Variants in BMPER observed in about 807,000 individuals in gnomAD.
BMPER encodes the protein BMP binding endothelial regulator.
BMPER carries 45 observed loss-of-function variants against 87.3 expected under a neutral mutation model. The ratio of observed to expected loss-of-function variants is 0.52; its 90% CI spans 0.41 to 0.66. The LOEUF is 0.66. BMPER is among the 30% of genes least tolerant of loss of function. The pLI, the probability that BMPER is intolerant of heterozygous loss-of-function variation, is 0.00. For synonymous variants in BMPER, 326 were observed against 316.2 expected (o/e 1.03, Z -0.33); for missense variants, 784 against 867.5 (o/e 0.90, Z 1.21).
intron 9 of BMPER, 120 bp downstream of exon 9, chr7:34,055,423 G>GCACACATATACATT: frequency 8.1e-7 from 1 of 1,241,282 alleles, no homozygotes; most frequent in Non-Finnish European, 1.2e-6. Context: ...AAATGTATAT[G>GCACACATATACATT]TGTGCATATA....
chr7:33,908,451 C>T (rs1783875987), intron 2 of BMPER, among the ~76,000 whole-genome samples: 1 of 152,138 alleles, frequency 6.6e-6, no homozygotes, highest in Admixed American at 6.5e-5. Flanking sequence ...ACAGCATTCC[C>T]CCCTTTTCAG....
chr7:34,042,188 G>A (rs1787849613), intron 6 of BMPER, among the ~76,000 whole-genome samples: 1 of 152,180 alleles, frequency 6.6e-6, no homozygotes, highest in Non-Finnish European at 1.5e-5. Flanking sequence ...AATAGACTTG[G>A]CATAGGTTTC....
intron 2 of BMPER, among the ~76,000 whole-genome samples, chr7:33,930,280 C>T (rs1484489649): frequency 1.3e-5 from 2 of 152,084 alleles, no homozygotes. Context: ...TTGTGGCTGA[C>T]CAAACTGCCT....
At chr7:33,970,284 G>A (rs750507325) in intron 4 of BMPER, 45 bp from the exon 5 acceptor site, 84 of 1,584,432 alleles carry the variant, frequency 5.3e-5, no homozygotes, top group Admixed American at 2.3e-4. Context: ...TAGTAACTCC[G>A]TGGGAATTCT....
chr7:34,073,671 TATATC>T (rs1440338367), intron 11 of BMPER, among the ~76,000 whole-genome samples: 1 of 152,210 alleles, frequency 6.6e-6, no homozygotes, highest in African/African-American at 2.4e-5. Context: ...AAGAAAATAA[TATATC>T]ATAAGCAGGC....
intron 6 of BMPER, 24 bp from the exon 7 acceptor site, chr7:34,046,282 C>A (rs1562708279): frequency 6.3e-7 from 1 of 1,588,404 alleles, no homozygotes; most frequent in Non-Finnish European, 8.6e-7. Flanking sequence ...TCTAAATATG[C>A]TTTTTTTTTC....
At chr7:33,921,101 C>A (rs1174778870) in intron 2 of BMPER, among the ~76,000 whole-genome samples, 1 of 152,146 alleles carries the variant, frequency 6.6e-6, no homozygotes, top group Non-Finnish European at 1.5e-5. Context: ...TTTATTATAA[C>A]CCTTACTCCT....
At chr7:34,085,694 A>G (rs777548652) in intron 12 of BMPER, 62 bp from the exon 13 acceptor site, 5 of 1,429,016 alleles carry the variant, frequency 3.5e-6, no homozygotes, top group Admixed American at 3.7e-5. Context: ...GGATGTATAC[A>G]TTTGGGAATT....
intron 6 of BMPER, among the ~76,000 whole-genome samples, chr7:33,978,464 G>A (rs1785751695): frequency 6.6e-6 from 1 of 152,216 alleles, no homozygotes; most frequent in Non-Finnish European, 1.5e-5. Context: ...AAGTCTGGAA[G>A]CCAGTGTAAA....
intron 11 of BMPER, among the ~76,000 whole-genome samples, chr7:34,067,838 C>G (rs1471475425): frequency 6.6e-6 from 1 of 152,218 alleles, no homozygotes; most frequent in East Asian, 1.9e-4. Flanking sequence ...GTTTTATATG[C>G]TGTTCTGCTC....
intron 11 of BMPER, among the ~76,000 whole-genome samples, chr7:34,065,235 T>TCTCTCTCTCTCTCC (rs1788551924): frequency 6.7e-6 from 1 of 149,836 alleles, no homozygotes; most frequent in African/African-American, 2.5e-5. Context: ...TCTCTCTCTC[T>TCTCTCTCTCTCTCC]CTCTCTCTCT....
intron 13 of BMPER, among the ~76,000 whole-genome samples, chr7:34,138,003 G>C (rs927413405): frequency 4.6e-5 from 7 of 152,146 alleles, no homozygotes; most frequent in Non-Finnish European, 7.3e-5. Flanking sequence ...CCATCTAATA[G>C]CACTCTCTTC....
At chr7:34,065,903 C>CA (rs1221201783) in intron 11 of BMPER, among the ~76,000 whole-genome samples, 2 of 152,188 alleles carry the variant, frequency 1.3e-5, no homozygotes, top group African/African-American at 4.8e-5. Flanking sequence ...AGAATACCTC[C>CA]ATGCACACAT....
chr7:34,046,652 G>C (rs1182146301), intron 7 of BMPER, among the ~76,000 whole-genome samples: 1 of 152,128 alleles, frequency 6.6e-6, no homozygotes, highest in Non-Finnish European at 1.5e-5. Flanking sequence ...AGATGACCTG[G>C]GGTAATTCTC....
intron 6 of BMPER, among the ~76,000 whole-genome samples, chr7:34,036,489 C>T (rs981460572): frequency 6.6e-6 from 1 of 152,090 alleles, no homozygotes; most frequent in African/African-American, 2.4e-5. Context: ...ATCAGCAGGC[C>T]CCGCCTCTCC....
At chr7:33,960,588 CTGTT>C (rs1270420436) in intron 3 of BMPER, among the ~76,000 whole-genome samples, 2 of 152,162 alleles carry the variant, frequency 1.3e-5, no homozygotes, top group Admixed American at 1.3e-4. Flanking sequence ...ATAAATATGA[CTGTT>C]TGTGTGCTTA....
At chr7:33,985,432 T>G (rs973397885) in intron 6 of BMPER, among the ~76,000 whole-genome samples, 4 of 152,180 alleles carry the variant, frequency 2.6e-5, no homozygotes, top group Admixed American at 6.5e-5. Flanking sequence ...ACATTTTCAG[T>G]TTTTACTATT....
In BMPER at chr7:33,905,719, A is replaced by G. The variant is rs368119843; in HGVS notation, c.106A>G (p.Met36Val). 158 of 1,444,212 alleles carry G rather than the reference A, an allele frequency of 1.1e-4. No homozygotes were observed. The highest frequency in any genetic ancestry group is 2.6e-4 in the African/African-American group (18 of 69,912). 89.5% of individuals were successfully genotyped at this position (1,444,212 alleles called of 1,614,324 possible). The change falls in exon 1 of 15, where the codon ATG (methionine) becomes GTG (valine). Residue 36 changes from methionine (M) to valine (V), a missense_variant. Transcript: ENST00000649409. ...LLLLNCSGVP[M>V]SLASSFLTGS... ...GCTACTCAATTGCTCGGGGGTCCCC[A>G]TGTCTCTGGCTTCCTCCTTCTTGAC...
intron 13 of BMPER, among the ~76,000 whole-genome samples, chr7:34,099,112 A>G (rs1019872140): frequency 1.3e-5 from 2 of 152,032 alleles, no homozygotes; most frequent in Non-Finnish European, 2.9e-5. Context: ...AGTGCTCACT[A>G]TGTGCCTGGC....
Sources: gnomAD v4.1 joint callset for allele counts (sites outside exome capture counted in the v4.1 genomes callset) on GRCh38, gnomAD v4.1.1 for gene constraint, MANE v1.5 for transcripts, NCBI Gene and HGNC (gene_info 2026-07-23, HGNC 2026-07-21) for gene names.